The following SPO11 variants were observed in gnomAD, a reference collection of about 807,000 sequenced individuals.
The protein encoded by SPO11 is SPO11 initiator of meiotic double strand breaks.
A neutral mutation model predicts 51.6 loss-of-function variants in SPO11; 49 were observed. The observed-to-expected ratio is 0.95, with a 90% CI of 0.75 to 1.20. The LOEUF (loss-of-function observed/expected upper bound fraction) is 1.20, where lower values mean the gene tolerates loss of function less well. SPO11 is among the 50% of genes most tolerant of loss of function. The pLI is 0.00. For synonymous variants in SPO11, 176 were observed against 158.2 expected (o/e 1.11, Z -0.84); for missense variants, 431 against 473.4 (o/e 0.91, Z 0.83).
rs540663960 is a variant in SPO11 at position 57,334,098 on chromosome 20, A to G, written c.510+3A>G. 23 of 1,356,768 alleles carry G rather than the reference A, an allele frequency of 1.7e-5. No homozygotes were observed. The South Asian group carries it at 3.2e-4, about 19-fold the overall frequency. The allele number at this position is 1,356,768 out of a possible 1,614,324, so 84.0% of individuals were successfully genotyped here. A position where few individuals can be genotyped will look rare whatever the true frequency, so the allele number is the denominator to read the frequency against. On this transcript the variant is annotated splice_donor_region_variant and intron_variant, in intron 5 of 12. Transcript: ENST00000371263. ...TGTCAAGGAGGAGTCTACATATAGT[A>G]AGTAGTACCTAATACAAAACATTTT...
intron 2 of SPO11, 119 bp downstream of exon 2, chr20:57,332,065 G>C (rs951967499): frequency 1.8e-6 from 1 of 565,490 alleles, no homozygotes; most frequent in Non-Finnish European, 2.9e-6. Flanking sequence ...CCAAAAAAAA[G>C]GATTTAGGAA....
intron 7 of SPO11, 112 bp from the exon 8 acceptor site, chr20:57,335,686 A>C: frequency 1.4e-6 from 1 of 728,014 alleles, no homozygotes; most frequent in East Asian, 2.7e-5. Context: ...GAAGGTACAA[A>C]CTAAAATGTT....
chr20:57,337,031 T>C lies in SPO11; in HGVS notation c.744+1124T>C, dbSNP rs142757116. Among the ~76,000 whole-genome samples the C allele has an allele frequency of 5.9e-5, 9 of 152,302 alleles. No individual in the cohort carries two copies. The East Asian group carries it at 1.5e-3, about 26-fold the overall frequency. On this transcript the variant is annotated intron_variant, in intron 8 of 12. Transcript: ENST00000371263. ...GCTATAATGCCATCACTTGGTGTGATAGGCATATTTATGCTGATTTTATAG... is the reference window on the plus strand; with the variant it reads ...GCTATAATGCCATCACTTGGTGTGACAGGCATATTTATGCTGATTTTATAG...
At chr20:57,335,298 A>G in intron 6 of SPO11, 121 bp from the exon 7 acceptor site, 1 of 777,766 alleles carries the variant, frequency 1.3e-6, no homozygotes, top group South Asian at 1.9e-5. Context: ...ATTTTTTAAC[A>G]GAGGAAGAAG....
At chr20:57,334,491 C>T (rs2066487859) in intron 5 of SPO11, among the ~76,000 whole-genome samples, 1 of 152,166 alleles carries the variant, frequency 6.6e-6, no homozygotes, top group Non-Finnish European at 1.5e-5. Flanking sequence ...TCTTCTTTTG[C>T]TATTATTTGA....
rs2066455401 is a variant in SPO11, at chr20:57,331,951, GC to G, written c.245+6del. 1 of 1,509,660 alleles carries G rather than the reference GC, an allele frequency of 6.6e-7. No individual in the cohort carries two copies. The highest frequency in any genetic ancestry group is 9.0e-7 in the Non-Finnish European group (1 of 1,109,146). 93.5% of individuals were successfully genotyped at this position (1,509,660 alleles called of 1,614,324 possible). A position where few individuals can be genotyped will look rare whatever the true frequency, so the allele number is the denominator to read the frequency against. Reference sequence around the variant, plus strand: ...ATCAAGCTGGGAAAACATAAAGTGGGCATTTTGCATTTTTATTTTTTAAATG... The same window carrying G: ...ATCAAGCTGGGAAAACATAAAGTGGGATTTTGCATTTTTATTTTTTAAATG... On this transcript the variant is annotated splice_donor_region_variant and intron_variant, in intron 2 of 12. Coordinates refer to ENST00000371263, the MANE Select transcript of SPO11 (RefSeq NM_012444.3).
intron 8 of SPO11, 50 bp downstream of exon 8, chr20:57,335,957 G>C (rs1443654450): frequency 1.9e-6 from 2 of 1,040,186 alleles, no homozygotes; most frequent in Admixed American, 3.9e-5. Context: ...ATACTGTTAT[G>C]GTGATTGGTA....
In SPO11 at chr20:57,338,379, A is replaced by G. The variant is rs2066539018; in HGVS notation, c.844+4A>G. 1.9e-6 allele frequency: 3 copies of G among 1,566,260 alleles called. No individual in the cohort carries two copies. Among genetic ancestry groups the G allele is most frequent in the African/African-American group, 2.7e-5 (2 of 73,738 alleles). Reference sequence around the variant, plus strand: ...CTTGTAGATGCTGATCCACATGGTAATTTATCACTGGACTATTTACAACAA... The same window carrying G: ...CTTGTAGATGCTGATCCACATGGTAGTTTATCACTGGACTATTTACAACAA... On this transcript the variant is annotated splice_donor_region_variant and intron_variant, in intron 9 of 12. Transcript: ENST00000371263.
chr20:57,341,077 T>C (rs2146100791), intron 11 of SPO11, among the ~76,000 whole-genome samples: 1 of 151,728 alleles, frequency 6.6e-6, no homozygotes, highest in South Asian at 2.1e-4. Context: ...TATTTTATAA[T>C]CTGCTTTTTT....
chr20:57,338,033 G>A (rs964146526), intron 8 of SPO11, among the ~76,000 whole-genome samples: 9 of 151,732 alleles, frequency 5.9e-5, no homozygotes, highest in Admixed American at 3.3e-4. Flanking sequence ...GATTACAGGC[G>A]TGTACCACCA....
Position 57,333,689 on chromosome 20 carries a change from C to G in SPO11, c.337C>G (p.Leu113Val), listed in dbSNP as rs145627694. Reference protein sequence around the residue: ...DSPKSAQKFSLILKILSMIYK... With the variant: ...DSPKSAQKFSVILKILSMIYK... ...GTTTGTTGAATTTTATTTTCCAGCT[C>G]TAATCCTTAAAATATTGTCCATGAT... The change falls in exon 4 of 13, where the codon CTA becomes GTA. Residue 113 changes from leucine to valine, a missense_variant and splice_region_variant. Leu to Val is a conservative substitution (Grantham distance 32, BLOSUM62 1). Around this residue, in one of 3 missense-constraint regions of SPO11, gnomAD observed 405 missense variants for 425.9 expected, o/e 0.95. Coordinates refer to ENST00000371263, the MANE Select transcript of SPO11 (RefSeq NM_012444.3). 9 of 1,483,828 alleles carry G rather than the reference C, an allele frequency of 6.1e-6. No homozygotes were observed. The African/African-American group carries it at 1.3e-4, about 21-fold the overall frequency. The allele number at this position is 1,483,828 out of a possible 1,614,324, so 91.9% of individuals were successfully genotyped here.
intron 12 of SPO11, 62 bp downstream of exon 12, chr20:57,342,902 T>G: frequency 8.9e-7 from 1 of 1,117,482 alleles, no homozygotes; most frequent in African/African-American, 1.6e-5. Context: ...TAGTAGTGGC[T>G]ATTCACATCG....
In SPO11 at chr20:57,330,015, C is replaced by T. The variant is rs1356024061; in HGVS notation, c.131+17C>T. 3 of 1,565,654 alleles carry T rather than the reference C, an allele frequency of 1.9e-6. No homozygotes were observed. Among genetic ancestry groups the T allele is most frequent in the Non-Finnish European group, 2.6e-6 (3 of 1,158,728 alleles). On this transcript the variant is annotated intron_variant, in intron 1 of 12. Coordinates refer to ENST00000371263, the MANE Select transcript of SPO11 (RefSeq NM_012444.3). ...GGCCTCCAGGTACAGGAGCTGGTGC[C>T]GAGGCGCGACGCAGCCACTCTGTAG...
rs1379172528 is a variant in SPO11 at position 57,331,813 on chromosome 20, T to C, written c.132-20T>C. The C allele has an allele frequency of 9.5e-6, 13 of 1,369,288 alleles. No individual in the cohort carries two copies. The highest frequency in any genetic ancestry group is 1.3e-5 in the Non-Finnish European group (13 of 1,000,316). The allele number at this position is 1,369,288 out of a possible 1,614,324, so 84.8% of individuals were successfully genotyped here. ...AAAATTTATGATTAAGATGGAATCA[T>C]GCTCTGTTTATTGTTTCAGTTCTGA... On this transcript the variant is annotated intron_variant, in intron 1 of 12. Coordinates refer to ENST00000371263, the MANE Select transcript of SPO11 (RefSeq NM_012444.3).
At chr20:57,341,699 ATTT>A (rs1405280886) in intron 11 of SPO11, among the ~76,000 whole-genome samples, 1 of 152,246 alleles carries the variant, frequency 6.6e-6, no homozygotes. Flanking sequence ...AACGTGTTCA[ATTT>A]AGTGTATGTG....
rs1241249898 is a variant in SPO11 at position 57,329,871 on chromosome 20, G to T, written c.4G>T (p.Ala2Ser). 2 of 1,613,154 alleles carry T rather than the reference G, an allele frequency of 1.2e-6. No individual in the cohort carries two copies. The highest frequency in any genetic ancestry group is 1.1e-5 in the South Asian group (1 of 91,040). Residue 2 changes from alanine to serine, a missense_variant, in exon 1 of 13, where the codon GCC becomes TCC. Ala to Ser is a moderately conservative substitution (Grantham distance 99, BLOSUM62 1). This residue lies in a region of SPO11 where 405 missense variants were observed against 425.9 expected (regional missense o/e 0.95). Transcript: ENST00000371263. ...CTTCTGGCAGCCGTCTGCCCTCATG[G>T]CCTTTGCACCTATGGGGCCCGAGGC... The part of the protein sequence containing the change: M[A>S]FAPMGPEASF...
At chr20:57,333,116 A>G (rs888340269) in intron 2 of SPO11, 72 bp from the exon 3 acceptor site, 4 of 1,099,844 alleles carry the variant, frequency 3.6e-6, no homozygotes, top group African/African-American at 3.2e-5. Flanking sequence ...GCAGAAGACC[A>G]TAAGTATATA....
chr20:57,338,914 A>T, intron 9 of SPO11, 75 bp from the exon 10 acceptor site: 1 of 901,002 alleles, frequency 1.1e-6, no homozygotes, highest in Non-Finnish European at 1.7e-6. Flanking sequence ...AATTATAGAT[A>T]GATAAAATTT....
Position 57,331,918 on chromosome 20 carries a change from G to T in SPO11, c.217G>T (p.Asp73Tyr). ...ARNEAPAFTI[D>Y]NRSSWENIKF... ...AAATGAAGCACCTGCATTCACGATAGACAACAGATCAAGCTGGGAAAACAT... is the reference window on the plus strand; with the variant it reads ...AAATGAAGCACCTGCATTCACGATATACAACAGATCAAGCTGGGAAAACAT... The change falls in exon 2 of 13, where the codon GAC becomes TAC. Residue 73 changes from aspartate (D) to tyrosine (Y), a missense_variant. Physicochemically the swap from Asp to Tyr is radical, Grantham distance 160. Around this residue, in one of 3 missense-constraint regions of SPO11, gnomAD observed 405 missense variants for 425.9 expected, o/e 0.95. Transcript: ENST00000371263. 6.3e-7 allele frequency: 1 copy of T among 1,599,542 alleles called. No homozygotes were observed. Among genetic ancestry groups the T allele is most frequent in the Non-Finnish European group, 8.5e-7 (1 of 1,173,246 alleles).
Sources: gnomAD v4.1 joint callset for allele counts (sites outside exome capture counted in the v4.1 genomes callset) on GRCh38, gnomAD v4.1.1 for gene constraint, gnomAD v4.1.1 regional missense constraint, MANE v1.5 for transcripts, NCBI Gene and HGNC (gene_info 2026-07-23, HGNC 2026-07-21) for gene names.